Variants in GPR158 observed in about 807,000 individuals in gnomAD.
GPR158 encodes the protein G protein-coupled receptor 158.
GPR158 carries 30 observed loss-of-function variants against 78.2 expected under a neutral mutation model. The ratio of observed to expected loss-of-function variants is 0.38; its 90% CI spans 0.29 to 0.52. GPR158 has a LOEUF of 0.52. Ranked by LOEUF, GPR158 falls within the 20% of genes least tolerant of loss-of-function variation. The probability of loss-of-function intolerance (pLI) is 0.83; values close to 1 mark genes in which losing one functional copy is unlikely to be tolerated. For synonymous variants in GPR158, 581 were observed against 591.1 expected (o/e 0.98, Z 0.25); for missense variants, 1,463 against 1,523.5 (o/e 0.96, Z 0.66).
In GPR158 at chr10:25,588,973, T is replaced by G. The variant is rs765486329; in HGVS notation, c.1754-34T>G. The G allele has an allele frequency of 2.7e-6, 4 of 1,465,364 alleles. No homozygotes were observed. The East Asian group carries it at 9.2e-5, about 34-fold the overall frequency. 90.8% of individuals were successfully genotyped at this position (1,465,364 alleles called of 1,614,324 possible). A position where few individuals can be genotyped will look rare whatever the true frequency, so the allele number is the denominator to read the frequency against. On this transcript the variant is annotated intron_variant, in intron 7 of 10. Coordinates refer to ENST00000376351, the MANE Select transcript of GPR158 (RefSeq NM_020752.3). ...AAGAAGAATTTTATTTCTTCACCTA[T>G]AAAACTCATGAAAATGGTTTGTTAT...
At chr10:25,383,762 A>T (rs552260814) in intron 2 of GPR158, among the ~76,000 whole-genome samples, 4 of 152,224 alleles carry the variant, frequency 2.6e-5, no homozygotes, top group Non-Finnish European at 4.4e-5. Context: ...TAGAAAAAAA[A>T]AAGTTGAAAC....
intron 2 of GPR158, among the ~76,000 whole-genome samples, chr10:25,372,247 T>C (rs905022731): frequency 2.1e-4 from 32 of 152,018 alleles, no homozygotes; most frequent in African/African-American, 7.5e-4. Flanking sequence ...GGAACACTTT[T>C]ACACTGTTGG....
intron 5 of GPR158, among the ~76,000 whole-genome samples, chr10:25,508,354 T>A (rs1836041373): frequency 1.3e-5 from 2 of 152,086 alleles, no homozygotes. Context: ...TTCCATGCAT[T>A]TTTAGCAGGT....
chr10:25,387,953 C>T (rs1466736155), intron 2 of GPR158, among the ~76,000 whole-genome samples: 1 of 147,342 alleles, frequency 6.8e-6, no homozygotes, highest in Admixed American at 6.8e-5. Context: ...ATTTAATCTC[C>T]TTACTAGTTA....
chr10:25,530,899 A>C (rs555789386), intron 5 of GPR158, among the ~76,000 whole-genome samples: 2 of 152,186 alleles, frequency 1.3e-5, no homozygotes, highest in African/African-American at 4.8e-5. Flanking sequence ...CCATCCGAGC[A>C]GTAGACCATG....
At position 25,573,572 on chromosome 10, in the gene GPR158, T is replaced by C. The variant is rs1360730305; in HGVS notation, c.1753+685T>C. 2.6e-5 allele frequency among the ~76,000 whole-genome samples: 4 copies of C among 152,306 alleles called. No homozygotes were observed. The East Asian group carries it at 5.8e-4, about 22-fold the overall frequency. ...GTTTTGAAAAAAGGAGGAAAACACATAGGAATTTTTCTGTTGCTCATATTA... is the reference window on the plus strand; with the variant it reads ...GTTTTGAAAAAAGGAGGAAAACACACAGGAATTTTTCTGTTGCTCATATTA... On this transcript the variant is annotated intron_variant, in intron 7 of 10. Coordinates refer to ENST00000376351, the MANE Select transcript of GPR158 (RefSeq NM_020752.3).
At chr10:25,478,254 G>A (rs74124013) in intron 5 of GPR158, among the ~76,000 whole-genome samples, 3,271 of 152,162 alleles carry the variant, frequency 0.021, 127 homozygotes, top group African/African-American at 0.074. Context: ...AAAAGCAACA[G>A]GTTATCATCT....
At chr10:25,285,944 G>T (rs865852005) in intron 2 of GPR158, among the ~76,000 whole-genome samples, 3 of 152,132 alleles carry the variant, frequency 2.0e-5, no homozygotes, top group East Asian at 3.9e-4. Flanking sequence ...GCACTTTAAA[G>T]GTGGCATTCC....
intron 2 of GPR158, among the ~76,000 whole-genome samples, chr10:25,361,494 T>G (rs1855640095): frequency 6.6e-6 from 1 of 151,916 alleles, no homozygotes. Flanking sequence ...TATTTTTGAG[T>G]TTTTGAGGAA....
chr10:25,368,182 T>C (rs1255800565), intron 2 of GPR158, among the ~76,000 whole-genome samples: 1 of 151,852 alleles, frequency 6.6e-6, no homozygotes, highest in Non-Finnish European at 1.5e-5. Flanking sequence ...CTTTCTGCCT[T>C]ACTTCCCTTC....
At chr10:25,405,441 A>G (rs940963236) in intron 3 of GPR158, among the ~76,000 whole-genome samples, 2 of 150,464 alleles carry the variant, frequency 1.3e-5, no homozygotes, top group Non-Finnish European at 3.0e-5. Flanking sequence ...GCTTAGTTTG[A>G]CAATATTCTG....
At chr10:25,594,008 G>A (rs562215219) in intron 8 of GPR158, among the ~76,000 whole-genome samples, 214 of 151,934 alleles carry the variant, frequency 1.4e-3, no homozygotes, top group African/African-American at 4.9e-3. Context: ...TTACCACTTC[G>A]ATTTTTAGAG....
chr10:25,207,697 C>T (rs181383142), intron 1 of GPR158, among the ~76,000 whole-genome samples: 23 of 152,190 alleles, frequency 1.5e-4, no homozygotes, highest in Non-Finnish European at 1.9e-4. Flanking sequence ...GGTACCAGTC[C>T]ATGACCAAGG....
At chr10:25,319,884 G>A (rs1411955648) in intron 2 of GPR158, among the ~76,000 whole-genome samples, 1 of 151,122 alleles carries the variant, frequency 6.6e-6, no homozygotes, top group Non-Finnish European at 1.5e-5. Context: ...AAAAATAAGG[G>A]TTCAAAATCC....
At chr10:25,202,415 C>T (rs934080884) in intron 1 of GPR158, among the ~76,000 whole-genome samples, 3 of 152,100 alleles carry the variant, frequency 2.0e-5, no homozygotes, top group South Asian at 4.1e-4. Flanking sequence ...CCCGCCACCC[C>T]ACAACAGGCC....
At chr10:25,356,982 A>C (rs1855563663) in intron 2 of GPR158, among the ~76,000 whole-genome samples, 1 of 152,074 alleles carries the variant, frequency 6.6e-6, no homozygotes, top group Non-Finnish European at 1.5e-5. Flanking sequence ...GCTAATAATG[A>C]TATGAACAAT....
intron 2 of GPR158, among the ~76,000 whole-genome samples, chr10:25,316,260 T>C (rs1349754233): frequency 3.3e-5 from 5 of 152,218 alleles, no homozygotes; most frequent in Non-Finnish European, 5.9e-5. Flanking sequence ...TCTCCCTATA[T>C]GTAGATTAAA....
At chr10:25,542,745 A>G (rs1357321077) in intron 5 of GPR158, among the ~76,000 whole-genome samples, 1 of 141,066 alleles carries the variant, frequency 7.1e-6, no homozygotes, top group Non-Finnish European at 1.5e-5. Context: ...AATCGCTTGA[A>G]CCCTGGAGGT....
chr10:25,331,923 T>C (rs1247276411), intron 2 of GPR158, among the ~76,000 whole-genome samples: 1 of 152,186 alleles, frequency 6.6e-6, no homozygotes, highest in Non-Finnish European at 1.5e-5. Context: ...TACTATTTGC[T>C]CTATTGGTGT....
Sources: gnomAD v4.1 joint callset for allele counts (sites outside exome capture counted in the v4.1 genomes callset) on GRCh38, gnomAD v4.1.1 for gene constraint, MANE v1.5 for transcripts, NCBI Gene and HGNC (gene_info 2026-07-23, HGNC 2026-07-21) for gene names.